PRKG2: variants seen among roughly 807,000 people sequenced by gnomAD.
The protein encoded by PRKG2 is cGMP-dependent protein kinase 2.
Under a neutral mutation model 97.2 loss-of-function variants are expected in PRKG2, and 33 were observed. The observed-to-expected ratio is 0.34, with a 90% CI of 0.26 to 0.45. The LOEUF is 0.45. Ranked by LOEUF, PRKG2 falls within the 20% of genes least tolerant of loss-of-function variation. The probability of loss-of-function intolerance (pLI) is 1.00; values close to 1 mark genes in which losing one functional copy is unlikely to be tolerated. For synonymous variants in PRKG2, 330 were observed against 321.8 expected (o/e 1.03, Z -0.27); for missense variants, 638 against 900.0 (o/e 0.71, Z 3.73).
intron 12 of PRKG2, among the ~76,000 whole-genome samples, chr4:81,140,239 T>C (rs1483881142): frequency 6.6e-6 from 1 of 152,102 alleles, no homozygotes; most frequent in Non-Finnish European, 1.5e-5. Flanking sequence ...TAGCAATTGA[T>C]AGCACAACAG....
intron 2 of PRKG2, among the ~76,000 whole-genome samples, chr4:81,194,944 A>G (rs1171684500): frequency 6.6e-6 from 1 of 151,442 alleles, no homozygotes; most frequent in East Asian, 1.9e-4. Flanking sequence ...ATACGCACCT[A>G]TAATCCATAT....
chr4:81,206,221 A>C (rs1578526487), intron 1 of PRKG2, among the ~76,000 whole-genome samples: 1 of 152,270 alleles, frequency 6.6e-6, no homozygotes, highest in East Asian at 1.9e-4. Context: ...TACCTATTTA[A>C]ACTTCATATT....
intron 15 of PRKG2, among the ~76,000 whole-genome samples, chr4:81,108,156 G>C (rs1247338196): frequency 6.6e-6 from 1 of 152,082 alleles, no homozygotes; most frequent in African/African-American, 2.4e-5. Flanking sequence ...AGTGAGCTGA[G>C]ACTGCCTCAC....
chr4:81,190,846 T>G (rs939365904), intron 2 of PRKG2, among the ~76,000 whole-genome samples: 1 of 152,138 alleles, frequency 6.6e-6, no homozygotes, highest in Non-Finnish European at 1.5e-5. Context: ...TCAACATCAC[T>G]GGTCATTAGA....
intron 14 of PRKG2, among the ~76,000 whole-genome samples, chr4:81,121,000 G>A (rs954717907): frequency 4.6e-5 from 7 of 152,106 alleles, no homozygotes; most frequent in African/African-American, 1.7e-4. Flanking sequence ...TTTTTATCAT[G>A]GATGAGTATT....
intron 4 of PRKG2, among the ~76,000 whole-genome samples, chr4:81,170,694 G>T (rs1380180622): frequency 6.6e-6 from 1 of 150,722 alleles, no homozygotes; most frequent in East Asian, 1.9e-4. Flanking sequence ...ACCCAAGATT[G>T]CCATAAAGTC....
chr4:81,115,793 A>G (rs1560548870), intron 14 of PRKG2, among the ~76,000 whole-genome samples: 1 of 152,204 alleles, frequency 6.6e-6, no homozygotes, highest in Non-Finnish European at 1.5e-5. Flanking sequence ...AAGAGATAAA[A>G]AGCCATATTA....
chr4:81,107,514 T>G (rs1482331762), intron 15 of PRKG2, among the ~76,000 whole-genome samples: 1 of 152,024 alleles, frequency 6.6e-6, no homozygotes, highest in Non-Finnish European at 1.5e-5. Flanking sequence ...ATTTATTTAT[T>G]TATTTATCTA....
chr4:81,213,675 T>TA (rs1169726533), intron 1 of PRKG2, among the ~76,000 whole-genome samples: 1 of 152,082 alleles, frequency 6.6e-6, no homozygotes, highest in African/African-American at 2.4e-5. Flanking sequence ...GCACAGGAGA[T>TA]ATGAAAAACG....
rs150367407 is a variant in PRKG2 at position 81,148,333 on chromosome 4, T to C, written c.1154+551A>G. On this transcript the variant is annotated intron_variant, in intron 9 of 18. Coordinates refer to ENST00000264399, the MANE Select transcript of PRKG2 (RefSeq NM_006259.3). The stretch of plus-strand genomic sequence containing the variant: ...AAACCCAGGGGGGCAGATTCAAACA[T>C]TATTTCAAATGAGTGATGCATATAA... Among the ~76,000 whole-genome samples the C allele has an allele frequency of 2.1e-3, 314 of 152,264 alleles. 1 individual carries two copies. The highest frequency in any genetic ancestry group is 7.3e-3 in the African/African-American group (302 of 41,546).
At position 81,087,997 on chromosome 4, in the gene PRKG2, T is replaced by C. The variant is rs1475261508; in HGVS notation, c.*1711A>G. On this transcript the variant is annotated 3_prime_UTR_variant, in exon 19 of 19. Coordinates refer to ENST00000264399, the MANE Select transcript of PRKG2 (RefSeq NM_006259.3). ...TTTATAGGTTGGAAATTTAAAAATA[T>C]ATACATGGAAAAACATACAGTACAA... 1 of 152,090 alleles carries C rather than the reference T, an allele frequency of 6.6e-6. No homozygotes were observed. The highest frequency in any genetic ancestry group is 1.5e-5 in the Non-Finnish European group (1 of 67,954). 9.4% of individuals were successfully genotyped at this position (152,090 alleles called of 1,614,324 possible).
chr4:81,117,244 C>T (rs1041104774), intron 14 of PRKG2, among the ~76,000 whole-genome samples: 4 of 151,990 alleles, frequency 2.6e-5, no homozygotes, highest in African/African-American at 9.7e-5. Context: ...CCTCCCTCCT[C>T]GGGTGTCCCA....
At chr4:81,099,007 G>A (rs1742422053) in intron 17 of PRKG2, among the ~76,000 whole-genome samples, 1 of 152,102 alleles carries the variant, frequency 6.6e-6, no homozygotes, top group Admixed American at 6.6e-5. Context: ...ATAAAACAAG[G>A]TATGCCTGAA....
chr4:81,107,073 T>C (rs1216836845), intron 15 of PRKG2, among the ~76,000 whole-genome samples: 1 of 152,164 alleles, frequency 6.6e-6, no homozygotes, highest in African/African-American at 2.4e-5. Context: ...ATAAGGCATG[T>C]GGGAGAAACA....
At chr4:81,093,793 T>C (rs1247327293) in intron 17 of PRKG2, among the ~76,000 whole-genome samples, 1 of 152,220 alleles carries the variant, frequency 6.6e-6, no homozygotes, top group Non-Finnish European at 1.5e-5. Context: ...CTTGATGGTC[T>C]AGAAATATAA....
At chr4:81,197,132 G>A (rs1753008543) in intron 2 of PRKG2, among the ~76,000 whole-genome samples, 1 of 152,158 alleles carries the variant, frequency 6.6e-6, no homozygotes, top group South Asian at 2.1e-4. Context: ...AAGGCCAGTG[G>A]TGATGTTTCT....
chr4:81,193,548 ACT>A (rs921194569), intron 2 of PRKG2, among the ~76,000 whole-genome samples: 135 of 152,048 alleles, frequency 8.9e-4, no homozygotes, highest in African/African-American at 3.1e-3. Flanking sequence ...AAATCTAAAA[ACT>A]CTATGCTGGC....
intron 14 of PRKG2, among the ~76,000 whole-genome samples, chr4:81,133,479 C>T (rs1486833644): frequency 6.6e-6 from 1 of 152,078 alleles, no homozygotes; most frequent in Non-Finnish European, 1.5e-5. Context: ...TGTAAGATGG[C>T]AGCTTCAATG....
chr4:81,208,990 T>G (rs1407629894), intron 1 of PRKG2, among the ~76,000 whole-genome samples: 1 of 152,184 alleles, frequency 6.6e-6, no homozygotes, highest in African/African-American at 2.4e-5. Flanking sequence ...CTAATTATCT[T>G]TGAAGGCAAC....
Sources: allele counts gnomAD v4.1 joint callset (sites outside exome capture counted in the v4.1 genomes callset), GRCh38; gene constraint gnomAD v4.1.1; transcripts MANE v1.5; gene names NCBI Gene and HGNC (gene_info 2026-07-23, HGNC 2026-07-21).